The following MYL5 variants were observed in gnomAD, a reference collection of about 807,000 sequenced individuals.
MYL5 encodes myosin light chain 5, also known as myosin regulatory light chain 5.
In MYL5, 28 loss-of-function variants were observed where a neutral mutation model predicts 20.8. The observed-to-expected ratio is 1.35, with a 90% CI of 1.00 to 1.84. The LOEUF (loss-of-function observed/expected upper bound fraction) is 1.84. Ranked by LOEUF, MYL5 falls within the 40% of genes most tolerant of loss-of-function variation. MYL5 has a pLI of 0.00. For missense variants in MYL5, 274 were observed against 227.3 expected, an observed-to-expected ratio of 1.21 and a Z score of -1.32; for synonymous variants, 118 against 87.4, an observed-to-expected ratio of 1.35 and a Z score of -1.95.
intron 4 of MYL5, 69 bp downstream of exon 6, chr4:680,087 C>T (rs916551236): frequency 2.9e-5 from 39 of 1,346,948 alleles, no homozygotes; most frequent in South Asian, 2.7e-4. Flanking sequence ...GGACATTTCA[C>T]GTAAAAATCT....
At chr4:678,211 C>A in intron 1 of MYL5, 182 bp downstream of exon 3, 2 of 1,506,538 alleles carry the variant, frequency 1.3e-6, no homozygotes, top group East Asian at 2.5e-5. Flanking sequence ...TGTGACCTTG[C>A]GGGTGTGGGC....
Position 680,592 on chromosome 4 carries a change from G to GT in MYL5, c.371+6dup, listed in dbSNP as rs780725144. 344 of 1,612,120 alleles carry GT rather than the reference G, an allele frequency of 2.1e-4. 1 individual carries two copies. In the South Asian group the frequency reaches 2.8e-3, roughly 13 times the overall value. On this transcript the variant is annotated splice_donor_region_variant and intron_variant, in intron 5 of 6. Transcript: ENST00000400159. ...AGGGAAAATCAACAAGGAGTAGTGAGTGCCCGGGCGGCCAGGGCGGCCCGG... is the reference window on the plus strand; with the variant it reads ...AGGGAAAATCAACAAGGAGTAGTGAGTTGCCCGGGCGGCCAGGGCGGCCCGG...
chr4:678,988 G>A (rs1209511216), exon 3 of MYL5: 4 of 1,613,836 alleles, frequency 2.5e-6, no homozygotes, highest in Non-Finnish European at 3.4e-6. Flanking sequence ...GAACCGAGAT[G>A]GCTTCATTGA....
At chr4:677,843 TGTGA>T (rs1739000451), upstream of MYL5, 3 of 939,816 alleles carry the variant, frequency 3.2e-6, no homozygotes, top group Admixed American at 3.8e-5. Flanking sequence ...AGGGCAAGGG[TGTGA>T]GTCACTGCCA....
exon 3 of MYL5, chr4:679,019 C>G (rs1265426437): frequency 1.2e-6 from 2 of 1,613,576 alleles, no homozygotes; most frequent in Non-Finnish European, 1.7e-6. Flanking sequence ...CTGAAGGACA[C>G]CTATGCCTCC....
Position 678,644 on chromosome 4 carries a change from T to C in MYL5, c.4-14T>C. ...GCCAGCCCAGGACCCTCAGCCATGG[T>C]GCTCCCACCGCAGGCCAGCAGGAAG... On this transcript the variant is annotated splice_polypyrimidine_tract_variant and intron_variant, in intron 1 of 6. Coordinates refer to ENST00000400159, the Ensembl canonical transcript of MYL5. 6.3e-7 allele frequency: 1 copy of C among 1,595,670 alleles called. No individual in the cohort carries two copies. The highest frequency in any genetic ancestry group is 8.5e-7 in the Non-Finnish European group (1 of 1,171,888).
At chr4:679,239 T>G in intron 3 of MYL5, 5 of 469,260 alleles carry the variant, frequency 1.1e-5, no homozygotes, top group East Asian at 4.7e-5. Flanking sequence ...TGAGACAGGG[T>G]GGGTGGGACA....
Position 680,607 on chromosome 4 carries a change from G to C in MYL5, c.371+20G>C, listed in dbSNP as rs1047867039. The C allele has an allele frequency of 6.2e-7, 1 of 1,610,076 alleles. No homozygotes were observed. The stretch of plus-strand genomic sequence containing the variant: ...GGAGTAGTGAGTGCCCGGGCGGCCA[G>C]GGCGGCCCGGCTTCCGGGGAACCCC... On this transcript the variant is annotated intron_variant, in intron 5 of 6. Transcript: ENST00000400159.
chr4:676,923 C>T (rs1738897259), upstream of MYL5: 5 of 985,300 alleles, frequency 5.1e-6, no homozygotes, highest in African/African-American at 3.5e-5. Flanking sequence ...CTGGGGATGG[C>T]ACCAGGCAGC....
At chr4:681,205 T>C in intron 6 of MYL5, 65 bp downstream of exon 8, 1 of 1,551,128 alleles carries the variant, frequency 6.4e-7, no homozygotes, top group Non-Finnish European at 8.7e-7. Context: ...GTCAGCTGGG[T>C]GGAGGGGGAC....
intron 2 of MYL5, 81 bp downstream of exon 4, chr4:678,846 C>T: frequency 1.2e-6 from 2 of 1,606,922 alleles, no homozygotes; most frequent in Non-Finnish European, 1.7e-6. Context: ...GGCTCCAGGG[C>T]CAGCAGGAGT....
At chr4:677,475 G>A (rs928788092), upstream of MYL5, among the ~76,000 whole-genome samples, 1 of 152,230 alleles carries the variant, frequency 6.6e-6, no homozygotes, top group African/African-American at 2.4e-5. Context: ...CAGGCAAGGA[G>A]CTCCCAGCCA....
exon 4 of MYL5, chr4:679,914 G>A (rs775871866): frequency 6.2e-7 from 1 of 1,613,586 alleles, no homozygotes; most frequent in South Asian, 1.1e-5. Context: ...TCTGTAACAG[G>A]CAAGACCAAC....
intron 3 of MYL5, 195 bp downstream of exon 5, chr4:679,228 G>A: frequency 2.9e-6 from 2 of 697,228 alleles, no homozygotes; most frequent in Non-Finnish European, 5.2e-6. Flanking sequence ...GCATCCCAGG[G>A]TGAGACAGGG....
chr4:680,411 C>T, intron 4 of MYL5, 98 bp from the exon 7 acceptor site: 5 of 1,247,796 alleles, frequency 4.0e-6, no homozygotes, highest in Non-Finnish European at 4.6e-6. Context: ...TGGAGTCTCC[C>T]CCTGCTTGGG....
In MYL5 at chr4:678,983, G is replaced by A. The variant is rs769440756; in HGVS notation, c.137G>A (p.Arg46Gln). 102 of 1,613,414 alleles carry A rather than the reference G, an allele frequency of 6.3e-5. 1 individual carries two copies. The highest frequency in any genetic ancestry group is 1.3e-4 in the East Asian group (6 of 44,882). The change falls in exon 3 of 7, where the codon CGA becomes CAA. Residue 46 changes from arginine to glutamine, a missense_variant. By Grantham distance (43) the Arg-to-Gln change is conservative (BLOSUM62 1). Coordinates refer to ENST00000400159, the Ensembl canonical transcript of MYL5. ...GCATTCACACTCATGGATCAGAACC[G>A]AGATGGCTTCATTGACAAGGAGGAC...
At chr4:677,507 C>G (rs74905711), upstream of MYL5, among the ~76,000 whole-genome samples, 2 of 152,230 alleles carry the variant, frequency 1.3e-5, no homozygotes, top group Admixed American at 1.3e-4. Context: ...GGGGTGGTCC[C>G]AGGGCCAAGG....
rs987363462 is a variant in MYL5, at chr4:678,582, T to C, written c.4-76T>C. Reference sequence around the variant, plus strand: ...AGGTCCACCCTTCATCTGAGTTAAGTCTCTCAAAACTCTGGGTGCCCTGGA... The same window carrying C: ...AGGTCCACCCTTCATCTGAGTTAAGCCTCTCAAAACTCTGGGTGCCCTGGA... On this transcript the variant is annotated intron_variant, in intron 1 of 6. Transcript: ENST00000400159. The C allele has an allele frequency of 5.9e-6, 9 of 1,535,872 alleles. No individual in the cohort carries two copies. In the African/African-American group the frequency reaches 1.2e-4, roughly 21 times the overall value.
At chr4:681,177 G>A in intron 6 of MYL5, 37 bp downstream of exon 8, 1 of 1,588,532 alleles carries the variant, frequency 6.3e-7, no homozygotes, top group African/African-American at 1.3e-5. Flanking sequence ...CCCACGAGGG[G>A]AGGGCGGGGC....
Sources: allele counts gnomAD v4.1 joint callset (sites outside exome capture counted in the v4.1 genomes callset), GRCh38; gene constraint gnomAD v4.1.1; transcripts MANE v1.5; gene names NCBI Gene and HGNC (gene_info 2026-07-23, HGNC 2026-07-21).